NUP62CL: variants seen among roughly 807,000 people sequenced by gnomAD.
The protein encoded by NUP62CL is nucleoporin-62 C-terminal-like protein.
NUP62CL carries 13 observed loss-of-function variants against 15.3 expected under a neutral mutation model. The observed-to-expected ratio is 0.85, with a 90% CI of 0.55 to 1.35. The LOEUF is 1.35. NUP62CL is among the 40% of genes most tolerant of loss of function. The pLI is 0.00. For missense variants in NUP62CL, 123 were observed against 130.6 expected (o/e 0.94, Z 0.28); for synonymous variants, 54 against 49.2 (o/e 1.10, Z -0.41).
intron 2 of NUP62CL, among the ~76,000 whole-genome samples, chrX:107,175,695 C>T (rs1042063022): frequency 8.9e-6 from 1 of 111,785 alleles, no homozygotes; most frequent in Non-Finnish European, 1.9e-5. Flanking sequence ...TTTCCTTTCA[C>T]CGTCCCCTTG....
chrX:107,148,875 C>T (rs1246291147), intron 7 of NUP62CL, among the ~76,000 whole-genome samples: 2 of 111,604 alleles, frequency 1.8e-5, no homozygotes, highest in East Asian at 2.8e-4. Context: ...GTATATGACC[C>T]AGAGTAATAA....
chrX:107,130,344 C>T (rs1453011104), intron 8 of NUP62CL, among the ~76,000 whole-genome samples: 1 of 111,951 alleles, frequency 8.9e-6, no homozygotes, highest in African/African-American at 3.2e-5. Flanking sequence ...AACAACAGAA[C>T]AACTTCTTCA....
intron 3 of NUP62CL, among the ~76,000 whole-genome samples, chrX:107,171,398 T>A (rs1302198333): frequency 9.0e-6 from 1 of 111,499 alleles, no homozygotes; most frequent in Non-Finnish European, 1.9e-5. Flanking sequence ...AATAAAGACA[T>A]ACCTGAGGCT....
Position 107,153,609 on chromosome X carries a change from T to C in NUP62CL, c.346-106A>G. 4 of 507,609 alleles carry C rather than the reference T, an allele frequency of 7.9e-6. No homozygotes were observed. In the South Asian group the frequency reaches 1.7e-4, roughly 21 times the overall value. 41.8% of individuals were successfully genotyped at this position (507,609 alleles called of 1,213,427 possible). On this transcript the variant is annotated intron_variant, in intron 5 of 8. Transcript: ENST00000372466. ...TACACTTCAAATATGAAAGATTTCC[T>C]TTTATTCAGGGTACTTATTGCCTAA...
Position 107,169,818 on chromosome X carries a change from T to TA in NUP62CL, c.59-2035_59-2034insT, listed in dbSNP as rs1163258848. Among the ~76,000 whole-genome samples the TA allele has an allele frequency of 1.3e-3, 130 of 103,719 alleles. 1 individual carries two copies. The highest frequency in any genetic ancestry group is 1.7e-3 in the African/African-American group (51 of 30,258). The allele number at this position is 103,719 out of a possible 115,157, so 90.1% of individuals were successfully genotyped here. On this transcript the variant is annotated intron_variant, in intron 3 of 8. Transcript: ENST00000372466. ...TTCAAGACAGAAAGAAATTTTTTTT[T>TA]TAAAAAAATGAGCCCTTCTTGTAAA... is the stretch of plus-strand genomic sequence containing the variant.
intron 2 of NUP62CL, among the ~76,000 whole-genome samples, chrX:107,179,891 T>C (rs892516138): frequency 2.7e-5 from 3 of 112,212 alleles, no homozygotes; most frequent in Non-Finnish European, 5.6e-5. Context: ...TATTTTGTCA[T>C]ATGTTGCAAT....
rs763579438 is a variant in NUP62CL, at chrX:107,181,036, C to T, written c.-47-5843G>A. 2.4e-4 allele frequency among the ~76,000 whole-genome samples: 26 copies of T among 106,871 alleles called. No individual in the cohort carries two copies. In the East Asian group the frequency reaches 7.6e-3, roughly 31 times the overall value. 92.8% of individuals were successfully genotyped at this position (106,871 alleles called of 115,157 possible). A position where few individuals can be genotyped will look rare whatever the true frequency, so the allele number is the denominator to read the frequency against. ...GGTTCAAGTGATTCTCCTGCCTCAG[C>T]CTCCCTAGTAGCTGGGACTACAGGC... On this transcript the variant is annotated intron_variant, in intron 2 of 8. Coordinates refer to ENST00000372466, the MANE Select transcript of NUP62CL (RefSeq NM_017681.3).
At chrX:107,156,301 C>A (rs1293527062) in intron 4 of NUP62CL, among the ~76,000 whole-genome samples, 1 of 106,925 alleles carries the variant, frequency 9.4e-6, no homozygotes, top group Non-Finnish European at 1.9e-5. Context: ...GCCTGCCTGC[C>A]TCTGTAGGCT....
chrX:107,164,691 TA>T (rs1314470236), intron 4 of NUP62CL, among the ~76,000 whole-genome samples: 1 of 112,366 alleles, frequency 8.9e-6, no homozygotes, highest in Non-Finnish European at 1.9e-5. Flanking sequence ...TTTAACAATA[TA>T]AAAAATGGGC....
At chrX:107,141,862 C>G (rs1286983750) in intron 8 of NUP62CL, among the ~76,000 whole-genome samples, 1 of 109,626 alleles carries the variant, frequency 9.1e-6, no homozygotes, top group Non-Finnish European at 1.9e-5. Context: ...AGTTCGAGAC[C>G]AGCCTGGCCA....
chrX:107,173,563 T>C (rs1926699414), intron 3 of NUP62CL, among the ~76,000 whole-genome samples: 1 of 111,989 alleles, frequency 8.9e-6, no homozygotes, highest in Admixed American at 9.4e-5. Flanking sequence ...TGACTGAACA[T>C]GGAATTAATT....
Position 107,130,390 on chromosome X carries a change from C to T in NUP62CL, c.*43-6058G>A, listed in dbSNP as rs370276478. 3.3e-4 allele frequency among the ~76,000 whole-genome samples: 37 copies of T among 112,104 alleles called. 2 individuals are homozygous for T. The highest frequency in any genetic ancestry group is 2.5e-3 in the Admixed American group (26 of 10,596). ...GGAAAATTATTTCCAAGCTAAAATT[C>T]AATACCCGATATTATCGATTAGATG... On this transcript the variant is annotated intron_variant, in intron 8 of 8. Transcript: ENST00000372466.
At chrX:107,199,853 T>C (rs1423885507) in intron 1 of NUP62CL, among the ~76,000 whole-genome samples, 1 of 112,060 alleles carries the variant, frequency 8.9e-6, no homozygotes, top group Non-Finnish European at 1.9e-5. Flanking sequence ...AGATATAAAG[T>C]CTTCCAGAAA....
chrX:107,176,577 G>C (rs1287992096), intron 2 of NUP62CL, among the ~76,000 whole-genome samples: 1 of 108,328 alleles, frequency 9.2e-6, no homozygotes, highest in Non-Finnish European at 1.9e-5. Flanking sequence ...TTTGTCGGGG[G>C]GGCGATGAAA....
chrX:107,162,143 A>G (rs1396227894), intron 4 of NUP62CL, among the ~76,000 whole-genome samples: 1 of 111,374 alleles, frequency 9.0e-6, no homozygotes, highest in Non-Finnish European at 1.9e-5. Flanking sequence ...AACAGAGGAT[A>G]GAATAAGAAA....
chrX:107,189,038 A>C (rs1927143087), intron 2 of NUP62CL, among the ~76,000 whole-genome samples: 1 of 112,201 alleles, frequency 8.9e-6, no homozygotes, highest in Admixed American at 9.5e-5. Flanking sequence ...GATAAGATAT[A>C]CAGATGATAA....
At chrX:107,157,278 C>T (rs1450396613) in intron 4 of NUP62CL, among the ~76,000 whole-genome samples, 1 of 105,423 alleles carries the variant, frequency 9.5e-6, no homozygotes, top group Admixed American at 1.0e-4. Flanking sequence ...ATACAGAGAA[C>T]GCCACAAAGA....
rs1411936619 is a variant in NUP62CL, at chrX:107,131,671, A to G, written c.*43-7339T>C. 7 of 635,696 alleles carry G rather than the reference A, an allele frequency of 1.1e-5. No homozygotes were observed. The Admixed American group carries it at 1.4e-4, about 12-fold the overall frequency. 52.4% of individuals were successfully genotyped at this position (635,696 alleles called of 1,213,427 possible). ...CCGACTAGCGGGATCTGGAGGATGG[A>G]GAAGAGGAGGAAGAGGAGGAGCAGT... On this transcript the variant is annotated intron_variant, in intron 8 of 8. Transcript: ENST00000372466.
At chrX:107,127,438 T>C (rs1035229938) in intron 8 of NUP62CL, among the ~76,000 whole-genome samples, 4 of 112,178 alleles carry the variant, frequency 3.6e-5, no homozygotes, top group African/African-American at 1.3e-4. Flanking sequence ...TATTTGTGTA[T>C]TTTAAAATAT....
Sources: gnomAD v4.1 joint callset for allele counts (sites outside exome capture counted in the v4.1 genomes callset) on GRCh38, gnomAD v4.1.1 for gene constraint, MANE v1.5 for transcripts, NCBI Gene and HGNC (gene_info 2026-07-23, HGNC 2026-07-21) for gene names.